The following CEP162 variants were observed in gnomAD, a reference collection of about 807,000 sequenced individuals.
CEP162 encodes the protein centrosomal protein 162, also known as centrosomal protein of 162 kDa.
In CEP162, 141 loss-of-function variants were observed where a neutral mutation model predicts 169.2. The ratio of observed to expected loss-of-function variants is 0.83; its 90% CI spans 0.73 to 0.96. The LOEUF (loss-of-function observed/expected upper bound fraction) is 0.96. Ranked by LOEUF, CEP162 falls within the 40% of genes least tolerant of loss-of-function variation. The probability of loss-of-function intolerance (pLI) is 0.00; values close to 1 mark genes in which losing one functional copy is unlikely to be tolerated. For synonymous variants in CEP162, 540 were observed against 526.4 expected, an observed-to-expected ratio of 1.03 and a Z score of -0.35; for missense variants, 1,600 against 1,587.2, an observed-to-expected ratio of 1.01 and a Z score of -0.14.
At chr6:84,212,411 T>C (rs751879961) in intron 6 of CEP162, among the ~76,000 whole-genome samples, 8 of 151,960 alleles carry the variant, frequency 5.3e-5, no homozygotes, top group Non-Finnish European at 8.8e-5. Context: ...AGCAAAATGG[T>C]TGAGGAGAGT....
chr6:84,194,758 A>C, intron 10 of CEP162, 126 bp downstream of exon 10: 1 of 803,252 alleles, frequency 1.2e-6, no homozygotes, highest in Non-Finnish European at 1.9e-6. Context: ...GGCTGAAAAA[A>C]TTTCTTTAAT....
intron 20 of CEP162, 128 bp from the exon 21 acceptor site, chr6:84,161,044 C>G (rs1417777456): frequency 1.5e-6 from 1 of 673,154 alleles, no homozygotes; most frequent in Non-Finnish European, 2.6e-6. Flanking sequence ...GAATTAATTC[C>G]TCAAATTCTT....
intron 14 of CEP162, 115 bp from the exon 15 acceptor site, chr6:84,175,069 G>A: frequency 2.2e-6 from 2 of 908,204 alleles, no homozygotes; most frequent in Non-Finnish European, 3.2e-6. Flanking sequence ...TATTATATAA[G>A]AAAATTAACT....
chr6:84,159,547 A>ATATATATATAT (rs2099524779), intron 21 of CEP162, among the ~76,000 whole-genome samples: 2 of 31,952 alleles, frequency 6.3e-5, no homozygotes, highest in African/African-American at 2.9e-4. Flanking sequence ...ATATATATAT[A>ATATATATATAT]TTTTTTTTTT....
chr6:84,140,498 C>CATGG (rs1160168328), intron 25 of CEP162, among the ~76,000 whole-genome samples: 2 of 152,062 alleles, frequency 1.3e-5, no homozygotes, highest in African/African-American at 2.4e-5. Flanking sequence ...CTCCGGCAAC[C>CATGG]ATGGTTAAGC....
At chr6:84,156,026 T>C (rs551603013) in intron 21 of CEP162, among the ~76,000 whole-genome samples, 6 of 151,922 alleles carry the variant, frequency 3.9e-5, no homozygotes, top group Non-Finnish European at 8.8e-5. Context: ...CTGATAAAAA[T>C]AGACACATAG....
chr6:84,178,708 G>C (rs1343012713), intron 13 of CEP162, among the ~76,000 whole-genome samples: 1 of 151,960 alleles, frequency 6.6e-6, no homozygotes, highest in Non-Finnish European at 1.5e-5. Context: ...TGTGCACAAC[G>C]TGCAGGTTTG....
rs573396078 is a variant in CEP162, at chr6:84,202,975, G to A, written c.687+1006C>T. Among the ~76,000 whole-genome samples, 209 of 152,142 alleles carry A rather than the reference G, an allele frequency of 1.4e-3. 3 individuals carry two copies. Among genetic ancestry groups the A allele is most frequent in the Admixed American group, 1.6e-3 (25 of 15,270 alleles). On this transcript the variant is annotated intron_variant, in intron 7 of 26. Coordinates refer to ENST00000403245, the MANE Select transcript of CEP162 (RefSeq NM_014895.4). Reference sequence around the variant, plus strand: ...TGAAAAGTGTTTCTTTTGAGTCCACGTTTTCATTCATGTTAAAAACATCTA... The same window carrying A: ...TGAAAAGTGTTTCTTTTGAGTCCACATTTTCATTCATGTTAAAAACATCTA...
chr6:84,132,674 G>A (rs1035055942), intron 25 of CEP162, among the ~76,000 whole-genome samples: 1 of 152,058 alleles, frequency 6.6e-6, no homozygotes, highest in Non-Finnish European at 1.5e-5. Context: ...TAGTTCTCGT[G>A]CCATGGTTTT....
At chr6:84,226,782 A>G (rs1270856979) in intron 1 of CEP162, among the ~76,000 whole-genome samples, 1 of 152,196 alleles carries the variant, frequency 6.6e-6, no homozygotes, top group Admixed American at 6.5e-5. Context: ...CCTCACAGGG[A>G]ATCTTAAAAA....
At chr6:84,225,976 T>A (rs9449850) in intron 2 of CEP162, among the ~76,000 whole-genome samples, 4 of 151,768 alleles carry the variant, frequency 2.6e-5, no homozygotes, top group Non-Finnish European at 4.4e-5. Context: ...AAGAGGGATA[T>A]GAAGGCAGTG....
In CEP162 at chr6:84,163,243, T is replaced by C; in HGVS notation, c.2413A>G (p.Ile805Val). 6.2e-7 allele frequency: 1 copy of C among 1,610,160 alleles called. No homozygotes were observed. The highest frequency in any genetic ancestry group is 8.5e-7 in the Non-Finnish European group (1 of 1,176,940). Residue 805 changes from isoleucine (I) to valine (V), a missense_variant, in exon 19 of 27, where the codon ATC becomes GTC. By Grantham distance (29) the Ile-to-Val change is conservative. Transcript: ENST00000403245. Reference sequence around the variant, plus strand: ...TGTTTGTCTTGTTTCAGTCTTTTGATGTCTTCCAATAAACTGTCTTTTTCT... The same window carrying C: ...TGTTTGTCTTGTTTCAGTCTTTTGACGTCTTCCAATAAACTGTCTTTTTCT... ...QKEKDSLLED[I>V]KRLKQDKQAL...
intron 1 of CEP162, among the ~76,000 whole-genome samples, chr6:84,227,160 C>G (rs1460363534): frequency 1.3e-5 from 2 of 152,150 alleles, no homozygotes; most frequent in African/African-American, 2.4e-5. Flanking sequence ...TGAACCCAAC[C>G]TTGGGTCGAC....
At chr6:84,199,173 C>T (rs1344977004) in intron 9 of CEP162, among the ~76,000 whole-genome samples, 2 of 152,058 alleles carry the variant, frequency 1.3e-5, no homozygotes, top group Non-Finnish European at 2.9e-5. Flanking sequence ...TATCAAAGCA[C>T]GTATGTGACA....
intron 13 of CEP162, among the ~76,000 whole-genome samples, chr6:84,184,880 C>G (rs920742907): frequency 6.6e-6 from 1 of 151,842 alleles, no homozygotes; most frequent in Non-Finnish European, 1.5e-5. Flanking sequence ...ATTAAACTCC[C>G]AGTTTTCCCC....
chr6:84,189,294 A>AT (rs2099538646), intron 11 of CEP162, among the ~76,000 whole-genome samples: 1 of 151,034 alleles, frequency 6.6e-6, no homozygotes, highest in African/African-American at 2.5e-5. Context: ...TCAGCCCCCC[A>AT]CTGCACTGTG....
intron 5 of CEP162, 38 bp downstream of exon 5, chr6:84,215,244 A>G (rs1344891083): frequency 3.4e-6 from 4 of 1,193,288 alleles, no homozygotes; most frequent in Non-Finnish European, 4.5e-6. Context: ...AAAACATAGA[A>G]ATCATAAAAA....
chr6:84,145,311 A>G (rs1031440016), intron 25 of CEP162, among the ~76,000 whole-genome samples: 1 of 152,154 alleles, frequency 6.6e-6, no homozygotes. Flanking sequence ...ATGCCAATAA[A>G]GGGCCAATCT....
intron 3 of CEP162, among the ~76,000 whole-genome samples, chr6:84,218,141 GA>G (rs2099552261): frequency 6.6e-6 from 1 of 152,212 alleles, no homozygotes; most frequent in Non-Finnish European, 1.5e-5. Context: ...ATATTTCCAT[GA>G]GGAAGTAACA....
Sources: gnomAD v4.1 joint callset for allele counts (sites outside exome capture counted in the v4.1 genomes callset) on GRCh38, gnomAD v4.1.1 for gene constraint, MANE v1.5 for transcripts, NCBI Gene and HGNC (gene_info 2026-07-23, HGNC 2026-07-21) for gene names.